UPRT: variants seen among roughly 807,000 people sequenced by gnomAD.
UPRT encodes the protein uracil phosphoribosyltransferase homolog.
Under a neutral mutation model 22.6 loss-of-function variants are expected in UPRT, and 5 were observed. The observed-to-expected ratio is 0.22, with a 90% CI of 0.12 to 0.47. The LOEUF is 0.47. Ranked by LOEUF, UPRT falls within the 20% of genes least tolerant of loss-of-function variation. The pLI, the probability that UPRT is intolerant of heterozygous loss-of-function variation, is 0.99. For missense variants in UPRT, 181 were observed against 239.9 expected (o/e 0.75, Z 1.62); for synonymous variants, 77 against 87.7 (o/e 0.88, Z 0.68).
At chrX:75,272,358 GTGTATATATATATA>G (rs199908562), upstream of UPRT, among the ~76,000 whole-genome samples, 5,207 of 85,517 alleles carry the variant, frequency 0.061, 192 homozygotes, top group Middle Eastern at 0.094. Flanking sequence ...ATATATATAT[GTGTATATATATATA>G]TGTATATATA....
chrX:75,300,929 G>T lies in UPRT; in HGVS notation c.787G>T (p.Val263Phe), dbSNP rs2082742100. The change falls in exon 6 of 7, where the codon GTT becomes TTT. Residue 263 changes from valine (V) to phenylalanine (F), a missense_variant. Coordinates refer to ENST00000373383, the MANE Select transcript of UPRT (RefSeq NM_145052.4). ...VLIEHGVQPSVIILLSLFSTP... is the reference protein window; with the variant it reads ...VLIEHGVQPSFIILLSLFSTP... ...TATAGAACATGGAGTTCAACCCAGT[G>T]TTATCATCCTACTCAGTCTGTTCTC... 2.8e-5 allele frequency: 34 copies of T among 1,208,252 alleles called. No homozygotes were observed. Among genetic ancestry groups the T allele is most frequent in the Non-Finnish European group, 3.7e-5 (33 of 894,262 alleles).
rs1171223511 is a variant in UPRT, at chrX:75,204,372, C to T, written c.-447+36493C>T. Among the ~76,000 whole-genome samples the T allele has an allele frequency of 2.0e-4, 22 of 112,329 alleles. No homozygotes were observed. The Admixed American group carries it at 2.0e-3, about 10-fold the overall frequency. Reference sequence around the variant, plus strand: ...AAATGTTAATGTTTGGAGATTAAAACACCAGAGTGTATGTTCTTAACTCAC... The same window carrying T: ...AAATGTTAATGTTTGGAGATTAAAATACCAGAGTGTATGTTCTTAACTCAC... On this transcript the variant is annotated intron_variant, in intron 4 of 13. Coordinates refer to the UPRT transcript ENST00000652605.
At chrX:75,253,511 A>T (rs1466574332) in intron 4 of UPRT, among the ~76,000 whole-genome samples, 1 of 112,343 alleles carries the variant, frequency 8.9e-6, no homozygotes, top group African/African-American at 3.2e-5. Context: ...GTGATTTCTA[A>T]AAGAACTAAA....
At chrX:75,239,624 A>C (rs2082481812) in intron 4 of UPRT, among the ~76,000 whole-genome samples, 2 of 111,048 alleles carry the variant, frequency 1.8e-5, no homozygotes, top group African/African-American at 3.3e-5. Context: ...CCCTAATACC[A>C]AAACCAGGAA....
chrX:75,187,916 A>G (rs2082300386), intron 4 of UPRT, among the ~76,000 whole-genome samples: 1 of 111,472 alleles, frequency 9.0e-6, no homozygotes, highest in Non-Finnish European at 1.9e-5. Flanking sequence ...TTCTAGTTAT[A>G]CATTCTTCTA....
intron 4 of UPRT, among the ~76,000 whole-genome samples, chrX:75,256,165 C>G (rs892498642): frequency 8.9e-6 from 1 of 111,993 alleles, no homozygotes; most frequent in Non-Finnish European, 1.9e-5. Flanking sequence ...ATCAAGCACT[C>G]TCTCAGACCA....
intron 4 of UPRT, among the ~76,000 whole-genome samples, chrX:75,238,380 T>C (rs1219647522): frequency 9.0e-6 from 1 of 111,339 alleles, no homozygotes; most frequent in Non-Finnish European, 1.9e-5. Context: ...TTAAAACAGA[T>C]AAAGAGGGGC....
At chrX:75,255,894 G>T (rs2082548081) in intron 4 of UPRT, among the ~76,000 whole-genome samples, 1 of 111,614 alleles carries the variant, frequency 9.0e-6, no homozygotes, top group Admixed American at 9.5e-5. Flanking sequence ...AAATGAGTTA[G>T]ACAGCAAACA....
chrX:75,294,883 A>G (rs1230230076), intron 2 of UPRT, among the ~76,000 whole-genome samples: 1 of 111,675 alleles, frequency 9.0e-6, no homozygotes, highest in East Asian at 2.8e-4. Context: ...TATAGAAAGT[A>G]GGAGTTAAGT....
intron 4 of UPRT, among the ~76,000 whole-genome samples, chrX:75,232,907 T>C (rs1015854096): frequency 8.9e-6 from 1 of 112,076 alleles, no homozygotes; most frequent in African/African-American, 3.2e-5. Context: ...ACGCAGTTCC[T>C]CACCAGCAAC....
intron 4 of UPRT, among the ~76,000 whole-genome samples, chrX:75,237,992 A>G (rs1453490617): frequency 3.6e-5 from 4 of 111,580 alleles, no homozygotes; most frequent in Non-Finnish European, 5.7e-5. Context: ...AGATCTTGAA[A>G]CGAAACCTTG....
At chrX:75,217,614 G>A (rs1273641559) in intron 4 of UPRT, among the ~76,000 whole-genome samples, 2 of 111,912 alleles carry the variant, frequency 1.8e-5, no homozygotes, top group Admixed American at 1.9e-4. Context: ...TTTGTCTGTT[G>A]TTGGTGTATA....
chrX:75,291,904 T>C (rs894029721), intron 1 of UPRT, among the ~76,000 whole-genome samples: 13 of 111,500 alleles, frequency 1.2e-4, no homozygotes, highest in Admixed American at 7.7e-4. Context: ...GCAAAAGTTA[T>C]CAGCTGAGGC....
chrX:75,250,392 C>G (rs1291558197), intron 4 of UPRT, among the ~76,000 whole-genome samples: 1 of 110,566 alleles, frequency 9.0e-6, no homozygotes, highest in Non-Finnish European at 1.9e-5. Context: ...ACCACCGATC[C>G]CACAGAAATA....
At chrX:75,286,086 A>T (rs1235889173) in intron 1 of UPRT, among the ~76,000 whole-genome samples, 1 of 111,139 alleles carries the variant, frequency 9.0e-6, no homozygotes, top group African/African-American at 3.3e-5. Context: ...AACCTGCCGG[A>T]AAAGCTTTTT....
intron 4 of UPRT, among the ~76,000 whole-genome samples, chrX:75,226,718 C>T (rs2082424843): frequency 9.1e-6 from 1 of 110,176 alleles, no homozygotes; most frequent in African/African-American, 3.3e-5. Flanking sequence ...TGCCATCACT[C>T]TCGATTCCCT....
intron 4 of UPRT, among the ~76,000 whole-genome samples, chrX:75,191,429 C>T (rs1280684336): frequency 9.0e-6 from 1 of 111,476 alleles, no homozygotes; most frequent in Non-Finnish European, 1.9e-5. Flanking sequence ...GGGTGAGGGA[C>T]CCACTTGAGG....
intron 4 of UPRT, among the ~76,000 whole-genome samples, chrX:75,232,097 C>T (rs1021963592): frequency 8.9e-6 from 1 of 111,836 alleles, no homozygotes; most frequent in Non-Finnish European, 1.9e-5. Context: ...ATGCATGAGC[C>T]GAAGCAGGGC....
intron 1 of UPRT, among the ~76,000 whole-genome samples, chrX:75,281,863 C>T (rs914170420): frequency 3.6e-5 from 4 of 110,819 alleles, no homozygotes; most frequent in Non-Finnish European, 7.6e-5. Flanking sequence ...TTGAATGTCT[C>T]ATAGAAGTCT....
Sources: gnomAD v4.1 joint callset for allele counts (sites outside exome capture counted in the v4.1 genomes callset) on GRCh38, gnomAD v4.1.1 for gene constraint, MANE v1.5 for transcripts, NCBI Gene and HGNC (gene_info 2026-07-23, HGNC 2026-07-21) for gene names.